Variants in TRIO observed in about 807,000 individuals in gnomAD.
TRIO encodes triple functional domain protein.
A neutral mutation model predicts 351.9 loss-of-function variants in TRIO; 58 were observed. That is an observed-to-expected ratio of 0.16 (90% confidence interval 0.13 to 0.21). The LOEUF (loss-of-function observed/expected upper bound fraction) is 0.21. TRIO is among the 10% of genes least tolerant of loss of function. The pLI is 1.00. For missense variants in TRIO, 3,201 were observed against 4,027.8 expected (o/e 0.79, Z 5.56); for synonymous variants, 1,758 against 1,595.7 (o/e 1.10, Z -2.42).
At chr5:14,223,919 A>C (rs1792813520) in intron 1 of TRIO, among the ~76,000 whole-genome samples, 1 of 152,192 alleles carries the variant, frequency 6.6e-6, no homozygotes, top group Non-Finnish European at 1.5e-5. Flanking sequence ...CTTGACTTGG[A>C]TTCACAAGTG....
intron 1 of TRIO, among the ~76,000 whole-genome samples, chr5:14,159,210 A>G (rs1239080702): frequency 1.3e-5 from 2 of 152,090 alleles, no homozygotes; most frequent in African/African-American, 4.8e-5. Context: ...AATCACCTCT[A>G]TTTGAAGGAG....
At chr5:14,307,454 CCTTT>C (rs1202572698) in intron 8 of TRIO, among the ~76,000 whole-genome samples, 1 of 152,222 alleles carries the variant, frequency 6.6e-6, no homozygotes, top group African/African-American at 2.4e-5. Context: ...AGAGTACAGG[CCTTT>C]CTTTCTTTAG....
intron 11 of TRIO, among the ~76,000 whole-genome samples, chr5:14,340,649 A>G (rs920890679): frequency 2.0e-5 from 3 of 152,332 alleles, no homozygotes; most frequent in African/African-American, 7.2e-5. Flanking sequence ...AAAAAGGTGC[A>G]AAGTCAAGGT....
At chr5:14,315,933 A>T (rs1581601149) in intron 8 of TRIO, among the ~76,000 whole-genome samples, 1 of 152,382 alleles carries the variant, frequency 6.6e-6, no homozygotes, top group East Asian at 1.9e-4. Flanking sequence ...TGAACCAAAT[A>T]GAATGGCATT....
At chr5:14,288,648 CAG>C (rs896964589) in intron 4 of TRIO, among the ~76,000 whole-genome samples, 2 of 145,286 alleles carry the variant, frequency 1.4e-5, no homozygotes, top group Non-Finnish European at 3.0e-5. Context: ...GCCTGGGCAA[CAG>C]AGCGAGATTC....
intron 11 of TRIO, among the ~76,000 whole-genome samples, chr5:14,344,032 T>C (rs1742181318): frequency 6.6e-6 from 1 of 152,250 alleles, no homozygotes; most frequent in African/African-American, 2.4e-5. Flanking sequence ...AATTTTTGTT[T>C]AATATGAATT....
At chr5:14,324,714 T>A (rs16903396) in intron 9 of TRIO, among the ~76,000 whole-genome samples, 2,438 of 152,336 alleles carry the variant, frequency 0.016, 71 homozygotes, top group African/African-American at 0.056. Context: ...AAATAATGAT[T>A]AAAGTCTGCT....
chr5:14,395,815 G>C (rs1214278855), intron 28 of TRIO, among the ~76,000 whole-genome samples: 3 of 152,148 alleles, frequency 2.0e-5, no homozygotes, highest in Non-Finnish European at 4.4e-5. Context: ...GGAGGCCGAG[G>C]CAGGCGGATC....
intron 1 of TRIO, among the ~76,000 whole-genome samples, chr5:14,224,352 T>G (rs926706239): frequency 1.3e-5 from 2 of 152,032 alleles, no homozygotes; most frequent in African/African-American, 4.8e-5. Flanking sequence ...TTATAAGCTG[T>G]TTTCAAATTT....
Position 14,497,039 on chromosome 5 carries a change from A to T in TRIO, c.8019+22A>T, listed in dbSNP as rs1340576826. The T allele has an allele frequency of 6.2e-7, 1 of 1,612,584 alleles. No homozygotes were observed. The highest frequency in any genetic ancestry group is 2.2e-5 in the East Asian group (1 of 44,866). On this transcript the variant is annotated intron_variant, in intron 50 of 56. Coordinates refer to ENST00000344204, the MANE Select transcript of TRIO (RefSeq NM_007118.4). This position sits in a 1 kb window ranked among gnomAD's most constrained non-coding sequence, Gnocchi z 4.4. ...GAAGGTGTGTTCGGGGGTCTTCAGG[A>T]GTCCGTGTCATCCCAGCATGAGAGA...
At chr5:14,418,220 A>G (rs571013516) in intron 33 of TRIO, among the ~76,000 whole-genome samples, 1 of 152,214 alleles carries the variant, frequency 6.6e-6, no homozygotes, top group Admixed American at 6.5e-5. Flanking sequence ...ACCCCTCAGG[A>G]GGAGGAGGGA....
In TRIO at chr5:14,363,735, A is replaced by G; in HGVS notation, c.2395A>G (p.Ile799Val). 1 of 1,613,382 alleles carries G rather than the reference A, an allele frequency of 6.2e-7. No individual in the cohort carries two copies. The highest frequency in any genetic ancestry group is 8.5e-7 in the Non-Finnish European group (1 of 1,179,490). Residue 799 changes from isoleucine to valine, a missense_variant, in exon 14 of 57, where the codon ATC (isoleucine) becomes GTC (valine). Around this residue, in one of 19 missense-constraint regions of TRIO, gnomAD observed 363 missense variants for 553.5 expected, o/e 0.66. Coordinates refer to ENST00000344204, the MANE Select transcript of TRIO (RefSeq NM_007118.4). The stretch of plus-strand genomic sequence containing the variant: ...GATCTTAAATACCTTCTTTCAGATT[A>G]TCTCAGACCTCGAGTCTTGGAATGA... ...RIFERDAIDIISDLESWNDEL... is the reference protein window; with the variant it reads ...RIFERDAIDIVSDLESWNDEL...
chr5:14,384,593 A>G (rs1252136800), intron 21 of TRIO, among the ~76,000 whole-genome samples: 2 of 152,210 alleles, frequency 1.3e-5, no homozygotes, highest in East Asian at 3.8e-4. Context: ...TGGAAAAAAA[A>G]TTAAGTTGGA....
intron 11 of TRIO, among the ~76,000 whole-genome samples, chr5:14,350,992 T>C (rs1314831353): frequency 1.3e-5 from 2 of 152,090 alleles, no homozygotes; most frequent in Admixed American, 1.3e-4. Context: ...CACAGTAGGG[T>C]TCACAGTCCT....
intron 1 of TRIO, among the ~76,000 whole-genome samples, chr5:14,267,564 C>T (rs1024212094): frequency 6.6e-6 from 1 of 152,198 alleles, no homozygotes; most frequent in South Asian, 2.1e-4. Context: ...AGAGAAGCCA[C>T]TTATTTTTAA....
At position 14,496,830 on chromosome 5, in the gene TRIO, G is replaced by A. The variant is rs372819987; in HGVS notation, c.7881-49G>A. 5.6e-6 allele frequency: 9 copies of A among 1,599,816 alleles called. No homozygotes were observed. In the African/African-American group the frequency reaches 6.7e-5, roughly 12 times the overall value. On this transcript the variant is annotated intron_variant, in intron 49 of 56. Transcript: ENST00000344204. ...TCTTTAACGCTTCCAGGCAGCACTT[G>A]GTGAATGTTGGAAAGGCATAATACC...
At chr5:14,320,193 A>T (rs1191347743) in intron 9 of TRIO, among the ~76,000 whole-genome samples, 2 of 152,250 alleles carry the variant, frequency 1.3e-5, no homozygotes, top group East Asian at 3.8e-4. Context: ...TGAATGAATG[A>T]ATAAATGAAT....
chr5:14,148,560 C>G (rs1787650220), intron 1 of TRIO, among the ~76,000 whole-genome samples: 2 of 152,162 alleles, frequency 1.3e-5, no homozygotes, highest in Admixed American at 1.3e-4. Flanking sequence ...ACACCCTGCC[C>G]CCATTCCTCC....
intron 1 of TRIO, among the ~76,000 whole-genome samples, chr5:14,270,559 A>G (rs1795921995): frequency 6.6e-6 from 1 of 152,208 alleles, no homozygotes; most frequent in Non-Finnish European, 1.5e-5. Context: ...TCCTTTTGGG[A>G]CCAAGTTGTT....
Sources: gnomAD v4.1 joint callset for allele counts (sites outside exome capture counted in the v4.1 genomes callset) on GRCh38, gnomAD v4.1.1 for gene constraint, gnomAD v4.1.1 regional missense constraint, Gnocchi (gnomAD v3.1) non-coding constraint, MANE v1.5 for transcripts, NCBI Gene and HGNC (gene_info 2026-07-23, HGNC 2026-07-21) for gene names.